The following OSBPL8 variants were observed in gnomAD, a reference collection of about 807,000 sequenced individuals.
The protein encoded by OSBPL8 is oxysterol-binding protein-related protein 8.
OSBPL8 carries 59 observed loss-of-function variants against 125.5 expected under a neutral mutation model. That is an observed-to-expected ratio of 0.47 (90% confidence interval 0.38 to 0.58). The LOEUF is 0.58. Ranked by LOEUF, OSBPL8 falls within the 20% of genes least tolerant of loss-of-function variation. The pLI is 0.00. For synonymous variants in OSBPL8, 330 were observed against 338.9 expected, an observed-to-expected ratio of 0.97 and a Z score of 0.29; for missense variants, 758 against 1,047.8, an observed-to-expected ratio of 0.72 and a Z score of 3.82.
chr12:76,410,227 T>G (rs2136415758), intron 5 of OSBPL8, among the ~76,000 whole-genome samples: 1 of 152,274 alleles, frequency 6.6e-6, no homozygotes, highest in East Asian at 1.9e-4. Context: ...CTGAATGAAC[T>G]CAAAACACTT....
chr12:76,451,478 G>A (rs1006277091), intron 3 of OSBPL8, among the ~76,000 whole-genome samples: 2 of 152,090 alleles, frequency 1.3e-5, no homozygotes, highest in African/African-American at 4.8e-5. Flanking sequence ...TAATTTTCAC[G>A]AAAAGTCGGT....
intron 1 of OSBPL8, among the ~76,000 whole-genome samples, chr12:76,531,834 G>A (rs1326527764): frequency 3.3e-5 from 5 of 151,956 alleles, no homozygotes; most frequent in African/African-American, 1.2e-4. Context: ...TCAGGAGATC[G>A]AGACCATCCT....
At chr12:76,505,290 A>G (rs529742880) in intron 1 of OSBPL8, among the ~76,000 whole-genome samples, 1 of 152,290 alleles carries the variant, frequency 6.6e-6, no homozygotes, top group African/African-American at 2.4e-5. Flanking sequence ...CCAGCTACCC[A>G]TATTAGTACC....
intron 2 of OSBPL8, among the ~76,000 whole-genome samples, chr12:76,485,629 A>T (rs1432435577): frequency 6.6e-6 from 1 of 152,242 alleles, no homozygotes; most frequent in Non-Finnish European, 1.5e-5. Flanking sequence ...TTTGAAAAGT[A>T]ACAACAAATT....
chr12:76,442,365 T>A (rs898789321), intron 4 of OSBPL8, among the ~76,000 whole-genome samples: 3 of 152,194 alleles, frequency 2.0e-5, no homozygotes, highest in Non-Finnish European at 2.9e-5. Flanking sequence ...CCAAATATTA[T>A]ATTCTCTTTC....
chr12:76,497,800 T>C (rs1334791715), intron 1 of OSBPL8, among the ~76,000 whole-genome samples: 4 of 152,220 alleles, frequency 2.6e-5, no homozygotes, highest in Non-Finnish European at 5.9e-5. Context: ...CTTTTGATTC[T>C]CTAATAACAG....
intron 8 of OSBPL8, among the ~76,000 whole-genome samples, chr12:76,396,710 T>C (rs569482357): frequency 2.0e-5 from 3 of 152,056 alleles, no homozygotes; most frequent in African/African-American, 2.4e-5. Flanking sequence ...GCAATGATCA[T>C]GCCACTGCAG....
At chr12:76,543,634 C>T (rs1592891186) in intron 1 of OSBPL8, among the ~76,000 whole-genome samples, 2 of 151,786 alleles carry the variant, frequency 1.3e-5, no homozygotes, top group African/African-American at 4.8e-5. Flanking sequence ...ATAATTTTTG[C>T]AAAAAAATTT....
chr12:76,370,666 T>C (rs745532304), intron 19 of OSBPL8, among the ~76,000 whole-genome samples: 7 of 152,184 alleles, frequency 4.6e-5, no homozygotes, highest in Non-Finnish European at 8.8e-5. Flanking sequence ...CATCAAATGG[T>C]TATGGCTGAG....
At chr12:76,547,340 T>C (rs772790089) in intron 1 of OSBPL8, among the ~76,000 whole-genome samples, 8 of 151,986 alleles carry the variant, frequency 5.3e-5, no homozygotes, top group Non-Finnish European at 1.0e-4. Context: ...TCAATCAATA[T>C]GGAGCCTGAA....
intron 4 of OSBPL8, among the ~76,000 whole-genome samples, chr12:76,429,735 T>C (rs1424930109): frequency 6.6e-6 from 1 of 152,126 alleles, no homozygotes; most frequent in Non-Finnish European, 1.5e-5. Flanking sequence ...GAGGCACATA[T>C]TCAAGGTCAC....
At chr12:76,449,405 C>T (rs1463765381) in intron 4 of OSBPL8, among the ~76,000 whole-genome samples, 1 of 152,198 alleles carries the variant, frequency 6.6e-6, no homozygotes, top group South Asian at 2.1e-4. Flanking sequence ...AAAGACCCTT[C>T]TAGAGGATCT....
At chr12:76,511,332 A>G (rs1880969254) in intron 1 of OSBPL8, among the ~76,000 whole-genome samples, 1 of 152,158 alleles carries the variant, frequency 6.6e-6, no homozygotes. Flanking sequence ...TGCTTTCCAC[A>G]TGGCTGAGCT....
chr12:76,412,843 A>G (rs1317963471), intron 4 of OSBPL8, among the ~76,000 whole-genome samples: 2 of 152,270 alleles, frequency 1.3e-5, no homozygotes, highest in East Asian at 3.9e-4. Context: ...TGTTTCTACA[A>G]TGCCATGGAG....
chr12:76,429,959 G>T (rs759251291), intron 4 of OSBPL8, among the ~76,000 whole-genome samples: 2 of 151,574 alleles, frequency 1.3e-5, no homozygotes, highest in African/African-American at 4.8e-5. Flanking sequence ...AAGGAGTCGT[G>T]CCTGCTCAGA....
At chr12:76,395,656 A>G (rs1213460962) in intron 8 of OSBPL8, among the ~76,000 whole-genome samples, 1 of 152,204 alleles carries the variant, frequency 6.6e-6, no homozygotes, top group African/African-American at 2.4e-5. Flanking sequence ...TCATGGCTCC[A>G]TGCTAGAAAA....
chr12:76,526,249 T>A (rs1950167477), intron 1 of OSBPL8, among the ~76,000 whole-genome samples: 2 of 152,232 alleles, frequency 1.3e-5, no homozygotes, highest in South Asian at 4.1e-4. Context: ...TTAAAAAAAG[T>A]TTCCATTAAT....
chr12:76,557,902 A>T (rs189098934), intron 1 of OSBPL8, among the ~76,000 whole-genome samples: 90 of 152,340 alleles, frequency 5.9e-4, no homozygotes, highest in South Asian at 1.0e-3. Context: ...TTCAATAACT[A>T]TTATGATTCA....
At chr12:76,506,877 G>A (rs1880471054) in intron 1 of OSBPL8, among the ~76,000 whole-genome samples, 1 of 152,118 alleles carries the variant, frequency 6.6e-6, no homozygotes. Flanking sequence ...AGCTAAAACA[G>A]TAATTAAAAG....
Sources: allele counts gnomAD v4.1 joint callset (sites outside exome capture counted in the v4.1 genomes callset), GRCh38; gene constraint gnomAD v4.1.1; transcripts MANE v1.5; gene names NCBI Gene and HGNC (gene_info 2026-07-23, HGNC 2026-07-21).